Variants in SFXN5 observed in about 807,000 individuals in gnomAD.
The protein encoded by SFXN5 is sideroflexin-5.
In SFXN5, 43 loss-of-function variants were observed where a neutral mutation model predicts 50.2. That is an observed-to-expected ratio of 0.86 (90% confidence interval 0.67 to 1.11). SFXN5 has a LOEUF of 1.11. Ranked by LOEUF, SFXN5 falls within the 50% of genes least tolerant of loss-of-function variation. The pLI is 0.00. For missense variants in SFXN5, 463 were observed against 454.1 expected (o/e 1.02, Z -0.18); for synonymous variants, 203 against 185.8 (o/e 1.09, Z -0.75).
intron 1 of SFXN5, among the ~76,000 whole-genome samples, chr2:73,063,910 C>T (rs79129711): frequency 0.034 from 5,162 of 152,310 alleles, 121 homozygotes; most frequent in Middle Eastern, 0.058. Context: ...TATAGCCTCC[C>T]TCCCAAATTC....
intron 11 of SFXN5, among the ~76,000 whole-genome samples, chr2:72,969,813 C>T (rs1243887398): frequency 3.3e-5 from 5 of 151,866 alleles, no homozygotes; most frequent in African/African-American, 1.2e-4. Flanking sequence ...GGGAAGCATG[C>T]TTCAGCTGGG....
intron 2 of SFXN5, among the ~76,000 whole-genome samples, chr2:73,046,758 C>T (rs1215596801): frequency 6.6e-6 from 1 of 152,114 alleles, no homozygotes; most frequent in African/African-American, 2.4e-5. Flanking sequence ...CTTGAAGTAT[C>T]TAAGGGTACT....
At chr2:73,060,747 G>A (rs1413668127) in intron 1 of SFXN5, among the ~76,000 whole-genome samples, 2 of 149,962 alleles carry the variant, frequency 1.3e-5, no homozygotes, top group Non-Finnish European at 1.5e-5. Context: ...TGTTGCCCAG[G>A]CTGGAGTGCA....
intron 2 of SFXN5, chr2:73,041,485 T>C (rs1055286446): frequency 4.9e-6 from 1 of 205,156 alleles, no homozygotes; most frequent in Non-Finnish European, 1.0e-5. Context: ...AGGTCAGGAG[T>C]TCGAGACCAG....
intron 6 of SFXN5, 101 bp downstream of exon 6, chr2:73,020,138 C>T: frequency 3.6e-6 from 4 of 1,115,688 alleles, no homozygotes; most frequent in Non-Finnish European, 2.6e-6. Flanking sequence ...ATTGACTTAT[C>T]CTAAATCAAC....
chr2:72,991,249 C>T (rs1425933680), intron 9 of SFXN5, among the ~76,000 whole-genome samples: 15 of 152,182 alleles, frequency 9.9e-5, no homozygotes, highest in Middle Eastern at 3.2e-3. Flanking sequence ...GGAGGAAGAA[C>T]GAAGAGAGAA....
At chr2:72,988,973 C>T (rs1175047562) in intron 9 of SFXN5, among the ~76,000 whole-genome samples, 1 of 152,230 alleles carries the variant, frequency 6.6e-6, no homozygotes, top group Non-Finnish European at 1.5e-5. Context: ...CCACCCCAGC[C>T]CCTGCCTGGG....
intron 9 of SFXN5, chr2:72,997,929 A>T (rs1275706042): frequency 6.6e-6 from 1 of 152,134 alleles, no homozygotes; most frequent in Non-Finnish European, 1.5e-5. Flanking sequence ...TATGTTGCCC[A>T]GGTTGGAGTG....
chr2:73,032,690 T>A (rs1678469578), intron 3 of SFXN5, among the ~76,000 whole-genome samples: 1 of 151,992 alleles, frequency 6.6e-6, no homozygotes, highest in South Asian at 2.1e-4. Context: ...CCCCTCTGCC[T>A]CCTTCCAAGC....
intron 2 of SFXN5, chr2:73,053,555 AG>A (rs1681679384): frequency 6.6e-6 from 1 of 152,244 alleles, no homozygotes; most frequent in African/African-American, 2.4e-5. Flanking sequence ...CTTCTTCCTA[AG>A]AAAAATTACA....
At chr2:72,954,067 T>C (rs1032815593) in intron 13 of SFXN5, among the ~76,000 whole-genome samples, 5 of 152,152 alleles carry the variant, frequency 3.3e-5, no homozygotes, top group African/African-American at 1.2e-4. Context: ...TCCTGCCTCG[T>C]CTACCACATG....
chr2:72,987,598 A>T (rs962605093), intron 10 of SFXN5, among the ~76,000 whole-genome samples: 2 of 151,818 alleles, frequency 1.3e-5, no homozygotes, highest in African/African-American at 4.8e-5. Context: ...TCTACTAAAA[A>T]TGCAAAATTA....
rs114575670 is a variant in SFXN5, at chr2:73,068,602, T to C, written c.102+3002A>G. ...AATTTAATTCAAGTCCGCAAAGCCCTACTGAATTGTCTCCAGGATATTCAT... is the reference window on the plus strand; with the variant it reads ...AATTTAATTCAAGTCCGCAAAGCCCCACTGAATTGTCTCCAGGATATTCAT... On this transcript the variant is annotated intron_variant, in intron 1 of 13. Coordinates refer to ENST00000272433, the MANE Select transcript of SFXN5 (RefSeq NM_144579.3). Among the ~76,000 whole-genome samples the C allele has an allele frequency of 8.8e-3, 1,346 of 152,246 alleles. 31 individuals are homozygous for C. The highest frequency in any genetic ancestry group is 0.031 in the African/African-American group (1,290 of 41,540).
At chr2:72,963,820 C>G (rs1674048102) in intron 12 of SFXN5, among the ~76,000 whole-genome samples, 1 of 152,160 alleles carries the variant, frequency 6.6e-6, no homozygotes, top group African/African-American at 2.4e-5. Flanking sequence ...GTGATCCCAC[C>G]CCTGGGCCTA....
At chr2:73,007,809 G>T (rs764668603) in intron 6 of SFXN5, among the ~76,000 whole-genome samples, 9 of 152,114 alleles carry the variant, frequency 5.9e-5, no homozygotes, top group Non-Finnish European at 5.9e-5. Context: ...TCTGATTTAT[G>T]TGGCTAATGA....
intron 3 of SFXN5, 88 bp from the exon 4 acceptor site, chr2:73,023,302 A>G: frequency 7.3e-7 from 1 of 1,364,114 alleles, no homozygotes; most frequent in Non-Finnish European, 1.0e-6. Flanking sequence ...TTTTCTAACC[A>G]AGGGATCCAG....
At chr2:72,946,122 A>C (rs1236599024) in intron 13 of SFXN5, among the ~76,000 whole-genome samples, 3 of 87,400 alleles carry the variant, frequency 3.4e-5, no homozygotes, top group South Asian at 4.1e-4. Flanking sequence ...ACCTGGCTCC[A>C]CCTCCCCTGC....
rs192429873 is a variant in SFXN5, at chr2:72,947,654, A to G, written c.946-2555T>C. Among the ~76,000 whole-genome samples, 1,043 of 152,266 alleles carry G rather than the reference A, an allele frequency of 6.8e-3. 35 individuals are homozygous for G. The highest frequency in any genetic ancestry group is 0.01 in the Middle Eastern group (3 of 294). ...AGTCCCCATAAGAGGGAGTGTAGTGAGGACTAGAGCTGGTGGGCACAGTGG... is the reference window on the plus strand; with the variant it reads ...AGTCCCCATAAGAGGGAGTGTAGTGGGGACTAGAGCTGGTGGGCACAGTGG... On this transcript the variant is annotated intron_variant, in intron 13 of 13. Coordinates refer to ENST00000272433, the MANE Select transcript of SFXN5 (RefSeq NM_144579.3).
chr2:72,970,376 G>A (rs563610371), intron 11 of SFXN5, among the ~76,000 whole-genome samples: 4 of 152,262 alleles, frequency 2.6e-5, no homozygotes, highest in South Asian at 2.1e-4. Context: ...ATGCAATGTC[G>A]GCATGACACC....
Sources: allele counts gnomAD v4.1 joint callset (sites outside exome capture counted in the v4.1 genomes callset), GRCh38; gene constraint gnomAD v4.1.1; transcripts MANE v1.5; gene names NCBI Gene and HGNC (gene_info 2026-07-23, HGNC 2026-07-21).